The following ZMIZ1 variants were observed in gnomAD, a reference collection of about 807,000 sequenced individuals.
ZMIZ1 encodes the protein zinc finger MIZ domain-containing protein 1.
In ZMIZ1, 17 loss-of-function variants were observed where a neutral mutation model predicts 113.9. The ratio of observed to expected loss-of-function variants is 0.15; its 90% CI spans 0.10 to 0.22. ZMIZ1 has a LOEUF of 0.22. ZMIZ1 is among the 10% of genes least tolerant of loss of function. ZMIZ1 has a pLI of 1.00. For missense variants in ZMIZ1, 1,059 were observed against 1,477.8 expected (o/e 0.72, Z 4.65); for synonymous variants, 607 against 603.1 (o/e 1.01, Z -0.09).
At chr10:79,111,072 G>A (rs1404602626) in intron 1 of ZMIZ1, among the ~76,000 whole-genome samples, 2 of 152,208 alleles carry the variant, frequency 1.3e-5, no homozygotes, top group African/African-American at 4.8e-5. Context: ...CACCACCGGG[G>A]CCCCTGTGCA....
chr10:79,139,552 T>C, intron 2 of ZMIZ1, 130 bp from the exon 3 acceptor site: 1 of 396,816 alleles, frequency 2.5e-6, no homozygotes, highest in Non-Finnish European at 4.4e-6. Flanking sequence ...AAATCAGGCA[T>C]CCCGGGGTGT....
intron 1 of ZMIZ1, among the ~76,000 whole-genome samples, chr10:79,101,399 CAG>C (rs1342557647): frequency 6.6e-6 from 1 of 152,116 alleles, no homozygotes; most frequent in African/African-American, 2.4e-5. Context: ...GGGATGCTGT[CAG>C]AGGGGCACAG....
chr10:79,074,511 C>G lies in ZMIZ1; in HGVS notation c.-337+5241C>G, dbSNP rs116226290. Among the ~76,000 whole-genome samples the G allele has an allele frequency of 7.5e-3, 1,148 of 152,364 alleles. 14 individuals carry two copies. Among genetic ancestry groups the G allele is most frequent in the African/African-American group, 0.027 (1,109 of 41,584 alleles). Reference sequence around the variant, plus strand: ...AGACACAAATCCTGCCTTGACTGCCCAGGGCACACAGGTCTATACATGGGG... The same window carrying G: ...AGACACAAATCCTGCCTTGACTGCCGAGGGCACACAGGTCTATACATGGGG... On this transcript the variant is annotated intron_variant, in intron 1 of 24. Transcript: ENST00000334512.
At chr10:79,137,831 G>C (rs115355949) in intron 2 of ZMIZ1, among the ~76,000 whole-genome samples, 3,421 of 152,140 alleles carry the variant, frequency 0.022, 120 homozygotes, top group African/African-American at 0.079. Flanking sequence ...TCGGCTGGGG[G>C]GGGGGTGCTC....
At chr10:79,161,029 C>T (rs993914403) in intron 3 of ZMIZ1, among the ~76,000 whole-genome samples, 1 of 152,240 alleles carries the variant, frequency 6.6e-6, no homozygotes, top group African/African-American at 2.4e-5. Flanking sequence ...GTGTCATCCT[C>T]CCTCCTGCCC....
chr10:79,202,519 A>C (rs1848145782), intron 5 of ZMIZ1, among the ~76,000 whole-genome samples: 1 of 147,826 alleles, frequency 6.8e-6, no homozygotes, highest in Non-Finnish European at 1.5e-5. Context: ...GGAAACAAGT[A>C]CAGAGAGGGG....
intron 7 of ZMIZ1, among the ~76,000 whole-genome samples, chr10:79,249,517 GGGTGCC>G (rs1850415314): frequency 6.6e-6 from 1 of 152,244 alleles, no homozygotes; most frequent in African/African-American, 2.4e-5. Flanking sequence ...GTGATGTGAG[GGGTGCC>G]TGCCTTTCTT....
chr10:79,103,706 G>T (rs1372139370), intron 1 of ZMIZ1, among the ~76,000 whole-genome samples: 1 of 152,104 alleles, frequency 6.6e-6, no homozygotes, highest in South Asian at 2.1e-4. Flanking sequence ...CCCCAGGCTG[G>T]CAAGCCCTCC....
At chr10:79,307,672 G>A (rs2132095242) in intron 23 of ZMIZ1, 101 bp downstream of exon 23, 1 of 1,360,000 alleles carries the variant, frequency 7.4e-7, no homozygotes, top group East Asian at 2.4e-5. Context: ...AGAGGATGAA[G>A]AATTGGGTGT....
Position 79,167,567 on chromosome 10 carries a change from G to A in ZMIZ1, c.-50+5434G>A, listed in dbSNP as rs936092010. On this transcript the variant is annotated intron_variant, in intron 4 of 24. Coordinates refer to ENST00000334512, the MANE Select transcript of ZMIZ1 (RefSeq NM_020338.4). ...CAGGCAGGACCATGGCTAGAACCCA[G>A]GCAACTGAACCTGAAATGAATAGAG... is the stretch of plus-strand genomic sequence containing the variant. Among the ~76,000 whole-genome samples, 7 of 152,224 alleles carry A rather than the reference G, an allele frequency of 4.6e-5. No individual in the cohort carries two copies. In the East Asian group the frequency reaches 1.4e-3, roughly 30 times the overall value.
chr10:79,257,730 G>A (rs1345019538), intron 7 of ZMIZ1, among the ~76,000 whole-genome samples: 1 of 152,240 alleles, frequency 6.6e-6, no homozygotes, highest in Non-Finnish European at 1.5e-5. Context: ...GGAGCCAGGT[G>A]TCCAGTGGAA....
chr10:79,167,344 A>T (rs576811298), intron 4 of ZMIZ1, among the ~76,000 whole-genome samples: 1 of 152,138 alleles, frequency 6.6e-6, no homozygotes, highest in South Asian at 2.1e-4. Context: ...TGCAGTCTCC[A>T]CTGTTAGCTG....
chr10:79,179,728 A>G (rs994148141), intron 4 of ZMIZ1, among the ~76,000 whole-genome samples: 3 of 152,258 alleles, frequency 2.0e-5, no homozygotes, highest in African/African-American at 7.2e-5. Flanking sequence ...ACTCTAGCTC[A>G]TGGAAATGAA....
rs549056060 is a variant in ZMIZ1 at position 79,305,287 on chromosome 10, G to A, written c.2354+56G>A. The A allele has an allele frequency of 9.6e-4, 1,526 of 1,592,742 alleles. 10 individuals are homozygous for A. The highest frequency in any genetic ancestry group is 4.4e-3 in the South Asian group (402 of 90,596). On this transcript the variant is annotated intron_variant, in intron 20 of 24. Coordinates refer to ENST00000334512, the MANE Select transcript of ZMIZ1 (RefSeq NM_020338.4). ...CCCCATCCCCCAACCACAGACGGGA[G>A]GGGCCAGCTACCTCCCACCTCCACC...
At chr10:79,122,643 C>T (rs529202142) in intron 2 of ZMIZ1, among the ~76,000 whole-genome samples, 74 of 152,292 alleles carry the variant, frequency 4.9e-4, no homozygotes, top group Middle Eastern at 6.8e-3. Context: ...CTGCAATGAC[C>T]TCTTGCACTA....
At chr10:79,202,092 G>A (rs1848111471) in intron 5 of ZMIZ1, among the ~76,000 whole-genome samples, 1 of 147,914 alleles carries the variant, frequency 6.8e-6, no homozygotes, top group Admixed American at 6.7e-5. Flanking sequence ...CACAGGCTGG[G>A]TGTGGCAGCT....
intron 7 of ZMIZ1, among the ~76,000 whole-genome samples, chr10:79,240,368 C>T (rs1849769563): frequency 6.6e-6 from 1 of 152,286 alleles, no homozygotes; most frequent in South Asian, 2.1e-4. Flanking sequence ...GGCTTTTGAG[C>T]AAATCTTTGG....
intron 3 of ZMIZ1, among the ~76,000 whole-genome samples, chr10:79,152,702 T>C (rs1051912341): frequency 6.6e-6 from 1 of 152,232 alleles, no homozygotes; most frequent in Non-Finnish European, 1.5e-5. Context: ...AGTACAGCTC[T>C]ACCACTTTCT....
At chr10:79,145,025 C>T (rs978440790) in intron 3 of ZMIZ1, among the ~76,000 whole-genome samples, 2 of 151,978 alleles carry the variant, frequency 1.3e-5, no homozygotes, top group South Asian at 2.1e-4. Context: ...CTTCTTTCTT[C>T]CTCTTGCCCA....
Sources: gnomAD v4.1 joint callset for allele counts (sites outside exome capture counted in the v4.1 genomes callset) on GRCh38, gnomAD v4.1.1 for gene constraint, MANE v1.5 for transcripts, NCBI Gene and HGNC (gene_info 2026-07-23, HGNC 2026-07-21) for gene names.